MARK1: variants seen among roughly 807,000 people sequenced by gnomAD.
MARK1 encodes the protein serine/threonine-protein kinase MARK1.
In MARK1, 40 loss-of-function variants were observed where a neutral mutation model predicts 96.3. The observed-to-expected ratio is 0.42, with a 90% CI of 0.32 to 0.54. The LOEUF is 0.54. Among genes scored for constraint, MARK1 ranks in the 20% least tolerant of loss-of-function variants. The pLI is 0.16. For missense variants in MARK1, 719 were observed against 984.6 expected (o/e 0.73, Z 3.61); for synonymous variants, 317 against 341.2 (o/e 0.93, Z 0.78).
At position 220,630,665 on chromosome 1, in the gene MARK1, G is replaced by A. The variant is rs139466015; in HGVS notation, c.910-370G>A. The stretch of plus-strand genomic sequence containing the variant: ...TGATTTTAAAATAAGGCATATATTT[G>A]GCATAAAACAGGAAAAAATTATAAT... On this transcript the variant is annotated intron_variant, in intron 9 of 17. Coordinates refer to ENST00000366917, the MANE Select transcript of MARK1 (RefSeq NM_018650.5). 2.1e-3 allele frequency among the ~76,000 whole-genome samples: 319 copies of A among 151,742 alleles called. 2 individuals carry two copies. The highest frequency in any genetic ancestry group is 3.8e-3 in the Non-Finnish European group (259 of 67,906).
At chr1:220,603,394 G>A (rs1381582930) in intron 5 of MARK1, among the ~76,000 whole-genome samples, 3 of 151,878 alleles carry the variant, frequency 2.0e-5, no homozygotes, top group Admixed American at 6.6e-5. Flanking sequence ...TATCCACTTC[G>A]TGTTCTGCCA....
At chr1:220,601,733 CTTAATGG>C (rs1665762027) in intron 5 of MARK1, among the ~76,000 whole-genome samples, 1 of 152,264 alleles carries the variant, frequency 6.6e-6, no homozygotes, top group Middle Eastern at 3.4e-3. Flanking sequence ...TGTGTACTGA[CTTAATGG>C]TTAATGGTAA....
At chr1:220,566,100 C>T (rs1162213996) in intron 1 of MARK1, among the ~76,000 whole-genome samples, 1 of 152,136 alleles carries the variant, frequency 6.6e-6, no homozygotes, top group Non-Finnish European at 1.5e-5. Context: ...TTATCAGTTT[C>T]TCAAGCTTAC....
intron 6 of MARK1, among the ~76,000 whole-genome samples, chr1:220,613,585 A>G (rs1230596873): frequency 6.6e-6 from 1 of 152,212 alleles, no homozygotes; most frequent in East Asian, 1.9e-4. Context: ...TCTGGCACTC[A>G]TGATACGAAA....
chr1:220,546,018 C>A (rs1367399086), intron 1 of MARK1, among the ~76,000 whole-genome samples: 2 of 152,104 alleles, frequency 1.3e-5, no homozygotes, highest in African/African-American at 2.4e-5. Flanking sequence ...TGATTGAGTT[C>A]TTCACCCCCC....
chr1:220,580,092 A>T (rs1664132304), intron 2 of MARK1, among the ~76,000 whole-genome samples: 1 of 152,154 alleles, frequency 6.6e-6, no homozygotes, highest in African/African-American at 2.4e-5. Context: ...TTGTGTATAT[A>T]TACCTGTATG....
chr1:220,657,593 G>A (rs1669242634), intron 16 of MARK1, among the ~76,000 whole-genome samples, 197 bp from the exon 17 acceptor site: 1 of 152,120 alleles, frequency 6.6e-6, no homozygotes. Flanking sequence ...ACAAAAATGA[G>A]TAGACGCTCA....
intron 1 of MARK1, among the ~76,000 whole-genome samples, 183 bp from the exon 2 acceptor site, chr1:220,579,171 C>G (rs188427588): frequency 5.3e-5 from 8 of 152,214 alleles, no homozygotes; most frequent in Admixed American, 4.6e-4. Flanking sequence ...AACAATTATA[C>G]TCTACCTGGT....
chr1:220,564,469 G>A (rs971023593), intron 1 of MARK1, among the ~76,000 whole-genome samples: 2 of 152,032 alleles, frequency 1.3e-5, no homozygotes, highest in Admixed American at 1.3e-4. Context: ...TTTAATTATA[G>A]CGATAATTGT....
chr1:220,609,965 C>T (rs767882343), intron 6 of MARK1, among the ~76,000 whole-genome samples: 37 of 152,204 alleles, frequency 2.4e-4, no homozygotes, highest in Non-Finnish European at 4.8e-4. Context: ...CAACCTTTCT[C>T]TCTGGCTCCC....
chr1:220,624,162 G>T (rs895690121), intron 9 of MARK1, among the ~76,000 whole-genome samples: 6 of 151,696 alleles, frequency 4.0e-5, no homozygotes, highest in Admixed American at 6.6e-5. Context: ...GCTGGGCATG[G>T]TGGCGAGCGC....
chr1:220,616,091 G>T, intron 7 of MARK1, 96 bp downstream of exon 7: 1 of 602,400 alleles, frequency 1.7e-6, no homozygotes, highest in Admixed American at 2.9e-5. Context: ...TTGCCTAACT[G>T]TGCTGCTGGA....
chr1:220,536,363 G>A (rs1660682342), intron 1 of MARK1, among the ~76,000 whole-genome samples: 1 of 147,586 alleles, frequency 6.8e-6, no homozygotes, highest in Admixed American at 6.7e-5. Context: ...GGAAACCTTT[G>A]TTTTCTACCA....
chr1:220,573,959 T>C (rs1293612801), intron 1 of MARK1, among the ~76,000 whole-genome samples: 4 of 152,188 alleles, frequency 2.6e-5, no homozygotes, highest in African/African-American at 9.7e-5. Context: ...TTGTTCTTTC[T>C]GGCCATATTT....
intron 9 of MARK1, chr1:220,625,724 A>G: frequency 2.3e-6 from 1 of 427,752 alleles, no homozygotes; most frequent in South Asian, 1.8e-5. Flanking sequence ...GATGGGAGGG[A>G]TGGAAGGCAA....
chr1:220,605,138 G>A (rs890601388), intron 6 of MARK1, among the ~76,000 whole-genome samples: 8 of 152,162 alleles, frequency 5.3e-5, no homozygotes, highest in African/African-American at 1.7e-4. Flanking sequence ...GAAAAAGCCT[G>A]TTTAACTTGT....
chr1:220,545,759 G>A (rs756477536), intron 1 of MARK1, among the ~76,000 whole-genome samples: 4 of 152,022 alleles, frequency 2.6e-5, no homozygotes, highest in Non-Finnish European at 5.9e-5. Context: ...TTTTAATACA[G>A]TATTTATATA....
intron 1 of MARK1, among the ~76,000 whole-genome samples, chr1:220,549,007 A>C (rs899396247): frequency 2.0e-5 from 3 of 152,104 alleles, no homozygotes; most frequent in Non-Finnish European, 4.4e-5. Flanking sequence ...GGAGTATCTT[A>C]GGGAGAAGTG....
chr1:220,560,144 C>T (rs1662564237), intron 1 of MARK1, among the ~76,000 whole-genome samples: 1 of 152,086 alleles, frequency 6.6e-6, no homozygotes, highest in Non-Finnish European at 1.5e-5. Flanking sequence ...GAGACTTATT[C>T]ACTACCATGA....
Sources: allele counts gnomAD v4.1 joint callset (sites outside exome capture counted in the v4.1 genomes callset), GRCh38; gene constraint gnomAD v4.1.1; transcripts MANE v1.5; gene names NCBI Gene and HGNC (gene_info 2026-07-23, HGNC 2026-07-21).